Variants in DPYS observed in about 807,000 individuals in gnomAD.
DPYS encodes the protein dihydropyrimidinase.
A neutral mutation model predicts 50.3 loss-of-function variants in DPYS; 39 were observed. The observed-to-expected ratio is 0.78, with a 90% CI of 0.60 to 1.01. The LOEUF is 1.01. DPYS is among the 50% of genes least tolerant of loss of function. The pLI is 0.00. For synonymous variants in DPYS, 245 were observed against 250.7 expected, an observed-to-expected ratio of 0.98 and a Z score of 0.22; for missense variants, 659 against 680.9, an observed-to-expected ratio of 0.97 and a Z score of 0.36.
intron 8 of DPYS, among the ~76,000 whole-genome samples, chr8:104,386,536 A>G (rs2140507146): frequency 6.6e-6 from 1 of 151,888 alleles, no homozygotes; most frequent in East Asian, 1.9e-4. Context: ...CTTAAAAAAA[A>G]AAAAAGAAAA....
At chr8:104,434,631 T>C (rs769608386) in intron 4 of DPYS, among the ~76,000 whole-genome samples, 5 of 152,122 alleles carry the variant, frequency 3.3e-5, no homozygotes, top group Non-Finnish European at 5.9e-5. Context: ...AACAATCAAA[T>C]ATACAAACAC....
intron 8 of DPYS, 101 bp downstream of exon 8, chr8:104,392,683 G>A: frequency 6.4e-6 from 9 of 1,396,164 alleles, no homozygotes; most frequent in Non-Finnish European, 8.1e-6. Flanking sequence ...ATTAAACCAA[G>A]TGTGATGTGT....
At position 104,392,852 on chromosome 8, in the gene DPYS, C is replaced by A; in HGVS notation, c.1375G>T (p.Asp459Tyr). Residue 459 changes from aspartate to tyrosine, a missense_variant, in exon 8 of 10, where the codon GAT becomes TAT. Physicochemically the swap from Asp to Tyr is radical, Grantham distance 160. Coordinates refer to ENST00000351513, the MANE Select transcript of DPYS (RefSeq NM_001385.3). ...EAGVFSVTAG[D>Y]GKFIPRKPFA... ...GGTTTTCGAGGAATAAACTTCCCAT[C>A]TCCTGCCGTGACACTGAACACTCCG... 6.2e-7 allele frequency: 1 copy of A among 1,614,190 alleles called. No homozygotes were observed. The highest frequency in any genetic ancestry group is 8.5e-7 in the Non-Finnish European group (1 of 1,180,032).
intron 8 of DPYS, among the ~76,000 whole-genome samples, chr8:104,391,952 A>G (rs1328643190): frequency 6.6e-6 from 1 of 152,068 alleles, no homozygotes; most frequent in Non-Finnish European, 1.5e-5. Flanking sequence ...GAGTGTCACA[A>G]TTTGTTAGGA....
chr8:104,392,745 A>C, intron 8 of DPYS, 39 bp downstream of exon 8: 1 of 1,611,020 alleles, frequency 6.2e-7, no homozygotes, highest in African/African-American at 1.3e-5. Flanking sequence ...AGCAGGAGAC[A>C]GTCCGACTTG....
At chr8:104,386,128 G>A (rs1162443761) in intron 8 of DPYS, among the ~76,000 whole-genome samples, 1 of 152,166 alleles carries the variant, frequency 6.6e-6, no homozygotes, top group Non-Finnish European at 1.5e-5. Flanking sequence ...TATATAATTT[G>A]TGGTTCTATA....
chr8:104,458,153 ACAACTC>A (rs1343642502), intron 1 of DPYS, among the ~76,000 whole-genome samples: 2 of 152,216 alleles, frequency 1.3e-5, no homozygotes, highest in Non-Finnish European at 2.9e-5. Context: ...CAATGTGAAC[ACAACTC>A]CAAGGTAGGA....
chr8:104,447,595 CT>C (rs1813584056), intron 2 of DPYS, 92 bp from the exon 3 acceptor site: 1 of 1,446,664 alleles, frequency 6.9e-7, no homozygotes, highest in Non-Finnish European at 9.6e-7. Flanking sequence ...CGGAAGAGAA[CT>C]AAGTAAAATA....
intron 7 of DPYS, among the ~76,000 whole-genome samples, chr8:104,411,092 T>A (rs1812158609): frequency 6.6e-6 from 1 of 152,162 alleles, no homozygotes; most frequent in South Asian, 2.1e-4. Context: ...GAGCTGATAT[T>A]TTTCTCTTCC....
chr8:104,428,607 A>C (rs546863566), intron 5 of DPYS, among the ~76,000 whole-genome samples: 99 of 152,362 alleles, frequency 6.5e-4, no homozygotes, highest in Admixed American at 4.1e-3. Flanking sequence ...ACTGGGATGA[A>C]CAGAGGGTGA....
chr8:104,458,597 C>A lies in DPYS; in HGVS notation c.265-7193G>T, dbSNP rs552010890. On this transcript the variant is annotated intron_variant, in intron 1 of 9. Transcript: ENST00000351513. The stretch of plus-strand genomic sequence containing the variant: ...TTACAGTACCTGGCACATGAATATT[C>A]TCTAAATGTTTGAAGGGGAAAGGAA... Among the ~76,000 whole-genome samples the A allele has an allele frequency of 2.8e-4, 42 of 152,268 alleles. 1 individual carries two copies. The South Asian group carries it at 3.7e-3, about 14-fold the overall frequency.
At chr8:104,465,145 G>C (rs1232993973) in intron 1 of DPYS, among the ~76,000 whole-genome samples, 3 of 152,142 alleles carry the variant, frequency 2.0e-5, no homozygotes, top group Non-Finnish European at 4.4e-5. Flanking sequence ...GGAACTTGGA[G>C]AGGGGGAGGT....
chr8:104,383,585 A>T (rs954542544), intron 8 of DPYS, among the ~76,000 whole-genome samples: 3 of 141,372 alleles, frequency 2.1e-5, no homozygotes, highest in South Asian at 4.5e-4. Context: ...TGCATCATTT[A>T]TCTGTTCTCC....
At chr8:104,382,522 C>G (rs949863417) in intron 8 of DPYS, among the ~76,000 whole-genome samples, 1 of 150,548 alleles carries the variant, frequency 6.6e-6, no homozygotes, top group African/African-American at 2.5e-5. Flanking sequence ...TCCTCCCTTT[C>G]AGGTCCTTGG....
chr8:104,445,150 T>C (rs1287815344), intron 3 of DPYS, among the ~76,000 whole-genome samples: 2 of 152,192 alleles, frequency 1.3e-5, no homozygotes, highest in Non-Finnish European at 1.5e-5. Flanking sequence ...AGGGAACCTA[T>C]GTACGCTGTT....
chr8:104,432,015 G>A (rs1431881612), intron 4 of DPYS, among the ~76,000 whole-genome samples: 1 of 152,118 alleles, frequency 6.6e-6, no homozygotes, highest in Non-Finnish European at 1.5e-5. Context: ...CACTTAGCTG[G>A]TTGGCAATGA....
chr8:104,466,021 C>A (rs574547534), intron 1 of DPYS, among the ~76,000 whole-genome samples: 2 of 151,626 alleles, frequency 1.3e-5, no homozygotes, highest in South Asian at 4.2e-4. Flanking sequence ...GGAATACTTT[C>A]TCTTCTAAAC....
chr8:104,429,289 GA>G, intron 5 of DPYS: 2 of 507,576 alleles, frequency 3.9e-6, no homozygotes, highest in Non-Finnish European at 3.5e-6. Flanking sequence ...AACAAGAGAT[GA>G]AAAAAGTCAG....
In DPYS at chr8:104,392,862, G is replaced by C. The variant is rs1171957137; in HGVS notation, c.1365C>G (p.Val455=). The part of the protein sequence containing the change: ...KVVYEAGVFS[V]TAGDGKFIPR... ...GAATAAACTTCCCATCTCCTGCCGT[G>C]ACACTGAACACTCCGGCTTCATATA... The change falls in exon 8 of 10, where the codon GTC becomes GTG. Residue 455 remains valine (V), a synonymous_variant. Transcript: ENST00000351513. 1 of 1,614,152 alleles carries C rather than the reference G, an allele frequency of 6.2e-7. No homozygotes were observed. The highest frequency in any genetic ancestry group is 8.5e-7 in the Non-Finnish European group (1 of 1,180,024).
Sources: allele counts gnomAD v4.1 joint callset (sites outside exome capture counted in the v4.1 genomes callset), GRCh38; gene constraint gnomAD v4.1.1; transcripts MANE v1.5; gene names NCBI Gene and HGNC (gene_info 2026-07-23, HGNC 2026-07-21).